The following ATP9B variants were observed in gnomAD, a reference collection of about 807,000 sequenced individuals.
The protein encoded by ATP9B is probable phospholipid-transporting ATPase IIB.
A neutral mutation model predicts 146.1 loss-of-function variants in ATP9B; 110 were observed. The observed-to-expected ratio is 0.75, with a 90% CI of 0.65 to 0.88. The LOEUF (loss-of-function observed/expected upper bound fraction) is 0.88. ATP9B is among the 40% of genes least tolerant of loss of function. The pLI is 0.00. For synonymous variants in ATP9B, 604 were observed against 569.7 expected (o/e 1.06, Z -0.86); for missense variants, 1,499 against 1,496.4 (o/e 1.00, Z -0.03).
intron 10 of ATP9B, among the ~76,000 whole-genome samples, chr18:79,212,473 AAG>A (rs1415420558): frequency 2.0e-5 from 3 of 152,198 alleles, no homozygotes; most frequent in Non-Finnish European, 4.4e-5. Context: ...AATTCTTGCA[AAG>A]CCTTTTCTGA....
At chr18:79,133,334 G>A (rs981926608) in intron 5 of ATP9B, among the ~76,000 whole-genome samples, 1 of 152,162 alleles carries the variant, frequency 6.6e-6, no homozygotes, top group African/African-American at 2.4e-5. Flanking sequence ...GTTGCACCAA[G>A]TAATTTTGTC....
intron 13 of ATP9B, among the ~76,000 whole-genome samples, chr18:79,279,527 C>A (rs1396062710): frequency 6.6e-6 from 1 of 152,130 alleles, no homozygotes; most frequent in African/African-American, 2.4e-5. Context: ...GGAAAATGTT[C>A]AGAATTTTAA....
At chr18:79,355,045 G>A (rs2096943362) in intron 25 of ATP9B, among the ~76,000 whole-genome samples, 1 of 152,254 alleles carries the variant, frequency 6.6e-6, no homozygotes, top group African/African-American at 2.4e-5. Flanking sequence ...TGATGGAATG[G>A]GAGGAGGCAG....
intron 25 of ATP9B, among the ~76,000 whole-genome samples, chr18:79,356,427 T>G (rs2096953610): frequency 6.6e-6 from 1 of 152,228 alleles, no homozygotes; most frequent in Non-Finnish European, 1.5e-5. Context: ...CCAAAAAACC[T>G]GTGCAGTGAA....
chr18:79,363,802 A>AGAGGCGTAAACAGATGTTCCTGGGTTGG (rs1301686438), intron 26 of ATP9B: 8 of 152,380 alleles, frequency 5.3e-5, no homozygotes, highest in African/African-American at 1.7e-4. Flanking sequence ...TCCTGGAATG[A>AGAGGCGTAAACAGATGTTCCTGGGTTGG]GAGGCGTAAA....
chr18:79,161,387 C>A (rs1046236826), intron 7 of ATP9B, among the ~76,000 whole-genome samples: 1 of 152,180 alleles, frequency 6.6e-6, no homozygotes, highest in African/African-American at 2.4e-5. Context: ...ATACACTGCA[C>A]AGGCATGCTG....
chr18:79,293,503 C>T (rs2096526335), intron 13 of ATP9B, among the ~76,000 whole-genome samples: 1 of 152,076 alleles, frequency 6.6e-6, no homozygotes, highest in Admixed American at 6.5e-5. Context: ...CACTTTGGCC[C>T]TCTTGAGCCT....
chr18:79,107,390 C>T (rs1418009534), intron 2 of ATP9B, among the ~76,000 whole-genome samples: 2 of 152,066 alleles, frequency 1.3e-5, no homozygotes, highest in South Asian at 2.1e-4. Context: ...CACATGGGGC[C>T]GATGGATGCT....
At chr18:79,229,658 TG>T (rs1328540474) in intron 11 of ATP9B, among the ~76,000 whole-genome samples, 1 of 152,244 alleles carries the variant, frequency 6.6e-6, no homozygotes, top group Non-Finnish European at 1.5e-5. Context: ...GTCAGGTTAC[TG>T]CTGCGTGTTT....
chr18:79,158,784 A>G (rs139978859), intron 7 of ATP9B, among the ~76,000 whole-genome samples: 1,763 of 152,302 alleles, frequency 0.012, 12 homozygotes, highest in Middle Eastern at 0.044. Context: ...AATATTCTGT[A>G]TGCACTTGAG....
At chr18:79,294,550 A>G (rs1169119958) in intron 13 of ATP9B, among the ~76,000 whole-genome samples, 1 of 152,252 alleles carries the variant, frequency 6.6e-6, no homozygotes, top group African/African-American at 2.4e-5. Flanking sequence ...ATCAATTTCA[A>G]GGAAGAAAGA....
intron 9 of ATP9B, 126 bp from the exon 10 acceptor site, chr18:79,206,811 A>G (rs2095538504): frequency 4.0e-6 from 3 of 746,880 alleles, no homozygotes; most frequent in African/African-American, 1.8e-5. Context: ...TCTGTTTTGC[A>G]GTGCCTTTGC....
At chr18:79,202,947 T>C (rs541533950) in intron 9 of ATP9B, among the ~76,000 whole-genome samples, 1 of 152,352 alleles carries the variant, frequency 6.6e-6, no homozygotes, top group Admixed American at 6.5e-5. Context: ...ATGCCCTTAT[T>C]CTCTTGGACT....
chr18:79,292,139 G>T (rs2096510243), intron 13 of ATP9B, among the ~76,000 whole-genome samples: 1 of 152,216 alleles, frequency 6.6e-6, no homozygotes, highest in African/African-American at 2.4e-5. Context: ...CATTCATAAG[G>T]TGATGGACAT....
intron 4 of ATP9B, among the ~76,000 whole-genome samples, chr18:79,116,921 ATAAAAAAAAAAAAAAAAT>A (rs1185369097): frequency 1.9e-5 from 2 of 105,578 alleles, no homozygotes; most frequent in Non-Finnish European, 3.8e-5. Flanking sequence ...TTAGAGTATA[ATAAAAAAAAAAAAAAAAT>A]TAAAAAAAAA....
At chr18:79,282,350 A>G (rs372279316) in intron 13 of ATP9B, among the ~76,000 whole-genome samples, 33 of 152,190 alleles carry the variant, frequency 2.2e-4, no homozygotes, top group Admixed American at 1.2e-3. Flanking sequence ...ATGGCATGCT[A>G]CGGAGAAATA....
chr18:79,262,451 G>A (rs1181164492), intron 12 of ATP9B, among the ~76,000 whole-genome samples: 2 of 152,066 alleles, frequency 1.3e-5, no homozygotes, highest in Non-Finnish European at 2.9e-5. Flanking sequence ...TGGAAATAGT[G>A]CTGGGGAACA....
chr18:79,099,220 T>G (rs75644314), intron 2 of ATP9B, among the ~76,000 whole-genome samples: 2,476 of 152,238 alleles, frequency 0.016, 78 homozygotes, highest in African/African-American at 0.056. Flanking sequence ...TTCTTTTCTT[T>G]TTTCTTTCTT....
At chr18:79,158,465 G>A (rs534270540) in intron 7 of ATP9B, among the ~76,000 whole-genome samples, 16 of 151,968 alleles carry the variant, frequency 1.1e-4, no homozygotes, top group African/African-American at 2.4e-4. Context: ...TTTAAATTTT[G>A]TTGTAGAGAC....
Sources: allele counts gnomAD v4.1 joint callset (sites outside exome capture counted in the v4.1 genomes callset), GRCh38; gene constraint gnomAD v4.1.1; transcripts MANE v1.5; gene names NCBI Gene and HGNC (gene_info 2026-07-23, HGNC 2026-07-21).